NT5C2: variants seen among roughly 807,000 people sequenced by gnomAD.
NT5C2 encodes the protein 5'-nucleotidase, cytosolic II, also known as cytosolic purine 5'-nucleotidase.
A neutral mutation model predicts 76.1 loss-of-function variants in NT5C2; 58 were observed. The ratio of observed to expected loss-of-function variants is 0.76; its 90% confidence interval spans 0.62 to 0.95. NT5C2 has a LOEUF of 0.95. Among genes scored for constraint, NT5C2 ranks in the 40% least tolerant of loss-of-function variants. The probability of loss-of-function intolerance (pLI) is 0.00; values close to 1 mark genes in which losing one functional copy is unlikely to be tolerated. For synonymous variants in NT5C2, 229 were observed against 237.4 expected, an observed-to-expected ratio of 0.96 and a Z score of 0.32; for missense variants, 478 against 690.3, an observed-to-expected ratio of 0.69 and a Z score of 3.45.
In NT5C2 at chr10:103,097,360, C is replaced by T; in HGVS notation, c.702G>A (p.Leu234=). ...KYVVKDGKLP[L]LLSRMKEVGK... is the part of the protein sequence containing the mutation. ...CTACTTCCTTCATCCGGCTCAGAAGCAAAGGCAGTTTTCCCTGAAATGTAA... is the reference window on the plus strand; with the variant it reads ...CTACTTCCTTCATCCGGCTCAGAAGTAAAGGCAGTTTTCCCTGAAATGTAA... The change falls in exon 11 of 19, where the codon TTG becomes TTA. Residue 234 remains leucine (L), a synonymous_variant. Transcript: ENST00000404739. The T allele has an allele frequency of 6.2e-7, 1 of 1,613,440 alleles. No individual in the cohort carries two copies. Among genetic ancestry groups the T allele is most frequent in the African/African-American group, 1.3e-5 (1 of 75,008 alleles).
At chr10:103,126,215 A>C (rs2076611756) in intron 4 of NT5C2, among the ~76,000 whole-genome samples, 1 of 152,256 alleles carries the variant, frequency 6.6e-6, no homozygotes, top group African/African-American at 2.4e-5. Flanking sequence ...ATACCCGCAG[A>C]GGAAGTCAAA....
At chr10:103,190,605 T>C (rs2092563853) in intron 1 of NT5C2, among the ~76,000 whole-genome samples, 1 of 152,194 alleles carries the variant, frequency 6.6e-6, no homozygotes, top group African/African-American at 2.4e-5. Context: ...CTGAGTGAGC[T>C]TGTCTAAGGT....
At chr10:103,150,285 GA>G (rs2082180663) in intron 3 of NT5C2, among the ~76,000 whole-genome samples, 1 of 152,104 alleles carries the variant, frequency 6.6e-6, no homozygotes, top group African/African-American at 2.4e-5. Context: ...CATATAAATG[GA>G]ATCAAGTATT....
chr10:103,181,102 A>G (rs2090986162), intron 2 of NT5C2, 83 bp downstream of exon 2: 2 of 152,130 alleles, frequency 1.3e-5, no homozygotes, highest in South Asian at 2.1e-4. Flanking sequence ...GATACGTTCA[A>G]TATCTTCATT....
intron 1 of NT5C2, among the ~76,000 whole-genome samples, chr10:103,184,836 TAAC>T (rs1414129635): frequency 6.6e-6 from 1 of 152,166 alleles, no homozygotes; most frequent in East Asian, 1.9e-4. Flanking sequence ...GAAGGAAAAA[TAAC>T]AAAGTTGAGA....
intron 1 of NT5C2, among the ~76,000 whole-genome samples, chr10:103,191,162 C>A (rs370930329): frequency 6.6e-6 from 1 of 152,136 alleles, no homozygotes; most frequent in Non-Finnish European, 1.5e-5. Context: ...GAGGCCGAGG[C>A]GGGCAGATCA....
Position 103,090,759 on chromosome 10 carries a change from T to C in NT5C2, c.1301A>G (p.Tyr434Cys). 1 of 1,614,200 alleles carries C rather than the reference T, an allele frequency of 6.2e-7. No individual in the cohort carries two copies. The highest frequency in any genetic ancestry group is 8.5e-7 in the Non-Finnish European group (1 of 1,180,038). The stretch of plus-strand genomic sequence containing the variant: ...GCGAAACAGGCTTCCCATCATCCCA[T>C]AGCACATGTCCATGTCATGAGTTAC... ...KKVTHDMDMC[Y>C]GMMGSLFRSG... is the part of the protein sequence containing the mutation. The change falls in exon 18 of 19, where the codon TAT becomes TGT. Residue 434 changes from tyrosine to cysteine, a missense_variant. Transcript: ENST00000404739.
chr10:103,129,264 C>T (rs1157158867), intron 4 of NT5C2, among the ~76,000 whole-genome samples: 1 of 114,496 alleles, frequency 8.7e-6, no homozygotes, highest in Non-Finnish European at 1.9e-5. Context: ...GGGTCAGCCC[C>T]CCACCCGGCC....
chr10:103,143,602 A>AT (rs67395221), intron 3 of NT5C2, among the ~76,000 whole-genome samples: 620 of 53,858 alleles, frequency 0.012, 40 homozygotes, highest in East Asian at 0.017. Context: ...ATGTCCAGCT[A>AT]TTTTTTTTTT....
At chr10:103,171,885 C>T (rs2088115704) in intron 3 of NT5C2, among the ~76,000 whole-genome samples, 1 of 152,024 alleles carries the variant, frequency 6.6e-6, no homozygotes. Context: ...ACAGCAAGAC[C>T]CCGTCTCTAA....
At chr10:103,090,345 G>T (rs2066430002) in intron 18 of NT5C2, 3 of 395,432 alleles carry the variant, frequency 7.6e-6, no homozygotes, top group Non-Finnish European at 1.4e-5. Context: ...AGCCTCTAAA[G>T]TTCTGGGGTT....
intron 10 of NT5C2, 125 bp from the exon 11 acceptor site, chr10:103,097,499 C>A: frequency 1.4e-6 from 1 of 715,272 alleles, no homozygotes; most frequent in South Asian, 1.8e-5. Flanking sequence ...TAGCTGATTT[C>A]AGAATTTTGC....
At chr10:103,092,812 G>A (rs1298576778) in intron 15 of NT5C2, among the ~76,000 whole-genome samples, 1 of 152,208 alleles carries the variant, frequency 6.6e-6, no homozygotes, top group Admixed American at 6.5e-5. Context: ...TGCTAGGCAT[G>A]GTTGGGGAAA....
At chr10:103,154,984 A>G (rs1246674664) in intron 3 of NT5C2, among the ~76,000 whole-genome samples, 1 of 152,242 alleles carries the variant, frequency 6.6e-6, no homozygotes, top group Non-Finnish European at 1.5e-5. Context: ...AGAGAAAGGA[A>G]AACAAAAATT....
intron 3 of NT5C2, among the ~76,000 whole-genome samples, chr10:103,148,568 C>T (rs1280643896): frequency 1.3e-5 from 2 of 150,934 alleles, no homozygotes; most frequent in African/African-American, 4.9e-5. Context: ...CGTGCCACTG[C>T]ACTCCAGCCT....
intron 4 of NT5C2, among the ~76,000 whole-genome samples, chr10:103,118,361 CTTTT>C (rs35763505): frequency 7.3e-6 from 1 of 137,790 alleles, no homozygotes. Flanking sequence ...ATTTCTTTTC[CTTTT>C]TTTTTTTTTT....
intron 3 of NT5C2, among the ~76,000 whole-genome samples, chr10:103,158,199 TAAC>T (rs959942451): frequency 1.3e-5 from 2 of 150,792 alleles, no homozygotes; most frequent in Non-Finnish European, 3.0e-5. Flanking sequence ...AAAAAGGACA[TAAC>T]AAAATCATTG....
chr10:103,121,139 G>C (rs1286159565), intron 4 of NT5C2, among the ~76,000 whole-genome samples: 1 of 152,200 alleles, frequency 6.6e-6, no homozygotes, highest in African/African-American at 2.4e-5. Flanking sequence ...GGAATGGGGA[G>C]TTATTGCTTA....
intron 4 of NT5C2, among the ~76,000 whole-genome samples, chr10:103,138,204 C>G (rs2079658349): frequency 6.6e-6 from 1 of 152,224 alleles, no homozygotes; most frequent in South Asian, 2.1e-4. Flanking sequence ...ATTGGGAAGA[C>G]TGGCTAAATT....
Sources: allele counts gnomAD v4.1 joint callset (sites outside exome capture counted in the v4.1 genomes callset), GRCh38; gene constraint gnomAD v4.1.1; transcripts MANE v1.5; gene names NCBI Gene and HGNC (gene_info 2026-07-23, HGNC 2026-07-21).